The following PUDP variants were observed in gnomAD, a reference collection of about 807,000 sequenced individuals.
PUDP encodes the protein pseudouridine-5'-phosphatase.
A neutral mutation model predicts 9.4 loss-of-function variants in PUDP; 8 were observed. The observed-to-expected ratio is 0.85, with a 90% CI of 0.50 to 1.53. The LOEUF is 1.53. Ranked by LOEUF, PUDP falls within the 40% of genes most tolerant of loss-of-function variation. The probability of loss-of-function intolerance (pLI) is 0.00; values close to 1 mark genes in which losing one functional copy is unlikely to be tolerated. For synonymous variants in PUDP, 99 were observed against 80.7 expected, an observed-to-expected ratio of 1.23 and a Z score of -1.22; for missense variants, 188 against 189.7, an observed-to-expected ratio of 0.99 and a Z score of 0.05.
intron 3 of PUDP, among the ~76,000 whole-genome samples, chrX:6,870,008 G>T (rs776855584): frequency 1.8e-5 from 2 of 110,714 alleles, no homozygotes; most frequent in Non-Finnish European, 3.8e-5. Flanking sequence ...GGAAGCAACC[G>T]AAGCGTTCAT....
chrX:6,911,960 C>T (rs1402069499), intron 3 of PUDP, among the ~76,000 whole-genome samples: 1 of 111,397 alleles, frequency 9.0e-6, no homozygotes, highest in Non-Finnish European at 1.9e-5. Context: ...TTTTGTTCTG[C>T]TTGATCAATC....
chrX:7,005,114 C>A (rs1929383150), intron 1 of PUDP, among the ~76,000 whole-genome samples: 1 of 111,214 alleles, frequency 9.0e-6, no homozygotes, highest in Non-Finnish European at 1.9e-5. Context: ...GGTGGTGTGA[C>A]CTGCCTGGAG....
chrX:7,046,614 A>C (rs1929986775), downstream of PUDP, among the ~76,000 whole-genome samples: 1 of 112,187 alleles, frequency 8.9e-6, no homozygotes, highest in Non-Finnish European at 1.9e-5. Flanking sequence ...ATTTATTCTC[A>C]GTTTATTTTG....
At chrX:7,022,438 G>A (rs762063161) in intron 1 of PUDP, among the ~76,000 whole-genome samples, 1 of 111,748 alleles carries the variant, frequency 8.9e-6, no homozygotes, top group Non-Finnish European at 1.9e-5. Flanking sequence ...CTACATGATG[G>A]GCTAAATGTA....
chrX:7,101,687 C>T (rs142883377), intron 2 of PUDP, among the ~76,000 whole-genome samples: 1 of 111,890 alleles, frequency 8.9e-6, no homozygotes, highest in Non-Finnish European at 1.9e-5. Flanking sequence ...AAGACACGTG[C>T]ATGCCTCATA....
intron 3 of PUDP, among the ~76,000 whole-genome samples, chrX:6,883,521 CAAAAA>C (rs753618830): frequency 4.8e-5 from 2 of 41,405 alleles, no homozygotes; most frequent in Non-Finnish European, 9.7e-5. Context: ...GACCTTGTCT[CAAAAA>C]AAAAAAAAAA....
chrX:6,995,999 A>G (rs1196204652), intron 1 of PUDP, among the ~76,000 whole-genome samples: 1 of 109,900 alleles, frequency 9.1e-6, no homozygotes, highest in Non-Finnish European at 1.9e-5. Flanking sequence ...AAGCCAAGCT[A>G]CTAACAGTCA....
chrX:6,906,113 T>C (rs1283233372), intron 3 of PUDP, among the ~76,000 whole-genome samples: 1 of 112,115 alleles, frequency 8.9e-6, no homozygotes, highest in Non-Finnish European at 1.9e-5. Context: ...CAATGTGAGA[T>C]GTTCCCATGC....
At chrX:6,725,673 C>T (rs1924730461), upstream of PUDP, among the ~76,000 whole-genome samples, 1 of 112,045 alleles carries the variant, frequency 8.9e-6, no homozygotes, top group African/African-American at 3.2e-5. Context: ...TGCTCAGCAT[C>T]GCTAATCATC....
intron 3 of PUDP, among the ~76,000 whole-genome samples, chrX:6,927,720 A>C (rs190965472): frequency 9.0e-6 from 1 of 111,683 alleles, no homozygotes; most frequent in Non-Finnish European, 1.9e-5. Flanking sequence ...AGCCTTCAGA[A>C]TGAAGGCCCA....
rs1405759824 is a variant in PUDP, at chrX:7,077,230, G to A, written c.500C>T (p.Ala167Val). The A allele has an allele frequency of 1.7e-6, 2 of 1,191,825 alleles. No individual in the cohort carries two copies. The highest frequency in any genetic ancestry group is 2.4e-5 in the Admixed American group (1 of 42,352). The change falls in exon 3 of 4, where the codon GCT (alanine) becomes GTT (valine). Residue 167 changes from alanine (A) to valine (V), a missense_variant. Ala to Val is a moderately conservative substitution (Grantham distance 64, BLOSUM62 0). Coordinates refer to ENST00000381077, the MANE Select transcript of PUDP (RefSeq NM_012080.5). ...ACAKRFSPPP[A>V]MEKCLVFEDA... ...CCGGCACCCACTTACCTTCTCCATA[G>A]CAGGAGGGGGAGAGAACCTCTTGGC...
chrX:6,780,503 C>G (rs1019113576), intron 3 of PUDP, among the ~76,000 whole-genome samples: 4 of 110,984 alleles, frequency 3.6e-5, no homozygotes, highest in Non-Finnish European at 7.5e-5. Flanking sequence ...ATAAAGAAGG[C>G]AGGGATAGGC....
chrX:6,950,946 T>A (rs893908016), intron 3 of PUDP, among the ~76,000 whole-genome samples: 1 of 87,674 alleles, frequency 1.1e-5, no homozygotes. Context: ...GAGACCTTGG[T>A]TGTGTGTTTT....
At chrX:6,752,204 T>C (rs1409363193) in intron 3 of PUDP, among the ~76,000 whole-genome samples, 2 of 111,881 alleles carry the variant, frequency 1.8e-5, no homozygotes, top group African/African-American at 6.5e-5. Flanking sequence ...TTCTTCCTGG[T>C]TTCCTAAACT....
intron 3 of PUDP, among the ~76,000 whole-genome samples, chrX:6,858,322 C>CT (rs370817442): frequency 0.097 from 8,666 of 89,278 alleles, 557 homozygotes; most frequent in East Asian, 0.43. Flanking sequence ...TTTTTTCTTT[C>CT]TTTTTTTTTT....
At chrX:7,142,221 C>T (rs1208492167) in intron 1 of PUDP, among the ~76,000 whole-genome samples, 1 of 112,210 alleles carries the variant, frequency 8.9e-6, no homozygotes, top group Non-Finnish European at 1.9e-5. Flanking sequence ...AAATGGAAAA[C>T]CTTCAGGAAA....
chrX:7,115,903 T>C (rs1185777012), intron 1 of PUDP, among the ~76,000 whole-genome samples: 1 of 112,482 alleles, frequency 8.9e-6, no homozygotes, highest in Non-Finnish European at 1.9e-5. Context: ...GAAGAGTCTA[T>C]CTGCTCAAAG....
At chrX:6,749,710 T>C (rs1427861196) in intron 3 of PUDP, among the ~76,000 whole-genome samples, 1 of 112,053 alleles carries the variant, frequency 8.9e-6, no homozygotes, top group Non-Finnish European at 1.9e-5. Flanking sequence ...GATGTTTCTG[T>C]AACCACAGAT....
intron 3 of PUDP, among the ~76,000 whole-genome samples, chrX:6,784,874 G>A (rs1254835385): frequency 8.9e-6 from 1 of 111,981 alleles, no homozygotes; most frequent in African/African-American, 3.2e-5. Context: ...TACCTAAGAA[G>A]GTCTTTGTAG....
Sources: allele counts gnomAD v4.1 joint callset (sites outside exome capture counted in the v4.1 genomes callset), GRCh38; gene constraint gnomAD v4.1.1; transcripts MANE v1.5; gene names NCBI Gene and HGNC (gene_info 2026-07-23, HGNC 2026-07-21).